ANKRD44: variants seen among roughly 807,000 people sequenced by gnomAD.
ANKRD44 encodes serine/threonine-protein phosphatase 6 regulatory ankyrin repeat subunit B.
A neutral mutation model predicts 116.0 loss-of-function variants in ANKRD44; 35 were observed. The ratio of observed to expected loss-of-function variants is 0.30; its 90% CI spans 0.23 to 0.40. ANKRD44 has a LOEUF of 0.40. Ranked by LOEUF, ANKRD44 falls within the 10% of genes least tolerant of loss-of-function variation. The pLI is 1.00. For missense variants in ANKRD44, 1,014 were observed against 1,242.6 expected (o/e 0.82, Z 2.77); for synonymous variants, 435 against 461.8 (o/e 0.94, Z 0.74).
At chr2:197,130,439 G>A (rs970337136) in intron 4 of ANKRD44, among the ~76,000 whole-genome samples, 5 of 152,192 alleles carry the variant, frequency 3.3e-5, no homozygotes, top group African/African-American at 9.7e-5. Flanking sequence ...CTCAGTTCTC[G>A]AAGTGTGGCA....
chr2:197,294,574 GTC>G (rs1462181126), intron 1 of ANKRD44, among the ~76,000 whole-genome samples: 2 of 151,996 alleles, frequency 1.3e-5, no homozygotes, highest in African/African-American at 4.8e-5. Flanking sequence ...TTCTCTCTCT[GTC>G]TCTCTGCACC....
At chr2:197,114,734 A>C (rs1382620729) in intron 8 of ANKRD44, among the ~76,000 whole-genome samples, 1 of 152,186 alleles carries the variant, frequency 6.6e-6, no homozygotes, top group Non-Finnish European at 1.5e-5. Flanking sequence ...GAGCAATAAA[A>C]GCTCTATGGG....
At chr2:197,185,335 C>T (rs961342837) in intron 2 of ANKRD44, among the ~76,000 whole-genome samples, 3 of 152,208 alleles carry the variant, frequency 2.0e-5, no homozygotes, top group African/African-American at 4.8e-5. Flanking sequence ...GCCACACCAA[C>T]CTGCACTGCC....
chr2:197,286,540 T>A (rs77734672), intron 1 of ANKRD44, among the ~76,000 whole-genome samples: 1 of 149,834 alleles, frequency 6.7e-6, no homozygotes, highest in Non-Finnish European at 1.5e-5. Context: ...GTCTGGCTAA[T>A]TTTTTTTTTA....
At chr2:196,990,141 T>C in intron 27 of ANKRD44, 1 of 987,560 alleles carries the variant, frequency 1.0e-6, no homozygotes, top group Non-Finnish European at 1.2e-6. Flanking sequence ...ATAGAGAGGA[T>C]ATAAATAGTT....
At chr2:197,157,665 G>A (rs1487771579) in intron 2 of ANKRD44, among the ~76,000 whole-genome samples, 4 of 107,762 alleles carry the variant, frequency 3.7e-5, no homozygotes, top group African/African-American at 1.0e-4. Context: ...CCGACAGAGT[G>A]AGACTCTGTC....
chr2:197,137,623 TGAA>T (rs904846447), intron 3 of ANKRD44, among the ~76,000 whole-genome samples: 12 of 152,188 alleles, frequency 7.9e-5, no homozygotes, highest in African/African-American at 2.4e-4. Context: ...TTTCTTTAAC[TGAA>T]GAAGAACAAA....
intron 3 of ANKRD44, among the ~76,000 whole-genome samples, chr2:197,143,898 G>A (rs527573436): frequency 5.9e-5 from 9 of 152,214 alleles, no homozygotes; most frequent in African/African-American, 1.9e-4. Context: ...CAAAGTGTTG[G>A]GATTATAGGC....
chr2:197,261,154 T>G lies in ANKRD44; in HGVS notation c.27+49424A>C, dbSNP rs374422631. ...GTTTTAGACATGAAGTCCTTGCCCATGCCTATGTCCTGAATGGTATTGCCT... is the reference window on the plus strand; with the variant it reads ...GTTTTAGACATGAAGTCCTTGCCCAGGCCTATGTCCTGAATGGTATTGCCT... On this transcript the variant is annotated intron_variant, in intron 1 of 27. Coordinates refer to ENST00000282272, the MANE Select transcript of ANKRD44 (RefSeq NM_001195144.2). Among the ~76,000 whole-genome samples the G allele has an allele frequency of 5.9e-5, 9 of 151,424 alleles. No homozygotes were observed. In the South Asian group the frequency reaches 6.2e-4, roughly 11 times the overall value.
intron 1 of ANKRD44, among the ~76,000 whole-genome samples, chr2:197,202,759 G>A (rs559417194): frequency 1.6e-4 from 25 of 152,018 alleles, no homozygotes; most frequent in Non-Finnish European, 2.9e-4. Flanking sequence ...AAAAATTTTT[G>A]TAGAGAGGGG....
Position 197,121,332 on chromosome 2 carries a change from C to T in ANKRD44, c.906G>A (p.Gln302=). ...LVNNGADVNI[Q]SKDGKSPLHM... is the part of the protein sequence containing the mutation. ...AACACAGAGACTAAGAGTGTCATAC[C>T]TGAATGTTAACATCTGCCCCGTTGT... Residue 302 remains glutamine, a splice_region_variant and synonymous_variant, in exon 8 of 28, where the codon CAG becomes CAA. Coordinates refer to ENST00000282272, the MANE Select transcript of ANKRD44 (RefSeq NM_001195144.2). The T allele has an allele frequency of 6.2e-7, 1 of 1,613,738 alleles. No individual in the cohort carries two copies. Among genetic ancestry groups the T allele is most frequent in the East Asian group, 2.2e-5 (1 of 44,882 alleles).
chr2:197,076,206 A>G (rs376698553), intron 16 of ANKRD44, among the ~76,000 whole-genome samples: 10 of 152,354 alleles, frequency 6.6e-5, no homozygotes, highest in African/African-American at 2.4e-4. Context: ...CTTTGTCAAC[A>G]TAACTCTAGC....
chr2:197,246,161 C>G (rs968165587), intron 1 of ANKRD44, among the ~76,000 whole-genome samples: 6 of 152,028 alleles, frequency 3.9e-5, no homozygotes, highest in African/African-American at 1.4e-4. Context: ...CCCTGCCTAC[C>G]TAACTCCTAG....
chr2:197,084,655 T>C (rs998409253), intron 13 of ANKRD44, among the ~76,000 whole-genome samples: 5 of 152,228 alleles, frequency 3.3e-5, no homozygotes, highest in African/African-American at 1.2e-4. Context: ...ACTTTTAAGC[T>C]ACTGTGCCCT....
rs558887224 is a variant in ANKRD44, at chr2:197,036,269, T to C, written c.1651-11002A>G. ...GTCAAGGTCTATGCAACTTTATTTA[T>C]TTATTTAGAGACAGAGTCTCACTCT... On this transcript the variant is annotated intron_variant, in intron 16 of 27. Coordinates refer to ENST00000282272, the MANE Select transcript of ANKRD44 (RefSeq NM_001195144.2). Among the ~76,000 whole-genome samples the C allele has an allele frequency of 2.0e-4, 30 of 152,228 alleles. 1 individual carries two copies. The East Asian group carries it at 5.6e-3, about 28-fold the overall frequency.
intron 9 of ANKRD44, among the ~76,000 whole-genome samples, chr2:197,107,674 AC>A: frequency 6.6e-6 from 1 of 152,322 alleles, no homozygotes; most frequent in Non-Finnish European, 1.5e-5. Context: ...AATACAAAGA[AC>A]ATTCCTCAGT....
intron 1 of ANKRD44, among the ~76,000 whole-genome samples, chr2:197,216,654 A>G (rs2081450664): frequency 6.6e-6 from 1 of 152,146 alleles, no homozygotes; most frequent in African/African-American, 2.4e-5. Context: ...AGTGCATGTC[A>G]TCATTTCTCA....
At chr2:197,131,454 G>C (rs2079094283) in intron 4 of ANKRD44, among the ~76,000 whole-genome samples, 1 of 152,122 alleles carries the variant, frequency 6.6e-6, no homozygotes, top group African/African-American at 2.4e-5. Flanking sequence ...GCCTCCCAAA[G>C]TGCTGGGATT....
At chr2:197,067,373 G>A (rs1035103943) in intron 16 of ANKRD44, among the ~76,000 whole-genome samples, 3 of 152,140 alleles carry the variant, frequency 2.0e-5, no homozygotes, top group African/African-American at 7.2e-5. Flanking sequence ...ATAGGCCTGG[G>A]CAAGGACTTC....
Sources: allele counts gnomAD v4.1 joint callset (sites outside exome capture counted in the v4.1 genomes callset), GRCh38; gene constraint gnomAD v4.1.1; transcripts MANE v1.5; gene names NCBI Gene and HGNC (gene_info 2026-07-23, HGNC 2026-07-21).